Variants in FES observed in about 807,000 individuals in gnomAD.
FES encodes FES proto-oncogene, tyrosine kinase, also known as tyrosine-protein kinase Fes/Fps.
Under a neutral mutation model 109.6 loss-of-function variants are expected in FES, and 83 were observed. The observed-to-expected ratio is 0.76, with a 90% CI of 0.63 to 0.91. FES has a LOEUF of 0.91. Ranked by LOEUF, FES falls within the 40% of genes least tolerant of loss-of-function variation. The pLI, the probability that FES is intolerant of heterozygous loss-of-function variation, is 0.00. For missense variants in FES, 943 were observed against 1,070.9 expected (o/e 0.88, Z 1.67); for synonymous variants, 458 against 442.1 (o/e 1.04, Z -0.45).
At chr15:90,894,144 C>A in intron 18 of FES, 86 bp downstream of exon 18, 1 of 1,470,038 alleles carries the variant, frequency 6.8e-7, no homozygotes, top group South Asian at 1.2e-5. Context: ...TTAATGCCAA[C>A]CTTCCCACCA....
chr15:90,893,906 C>A (rs74943443), intron 17 of FES, 30 bp from the exon 18 acceptor site: 1 of 1,612,742 alleles, frequency 6.2e-7, no homozygotes, highest in East Asian at 2.2e-5. Context: ...GGTGCACTCA[C>A]GCTGCCTCAC....
chr15:90,891,548 C>T lies in FES; in HGVS notation c.1531-6C>T. 1 of 1,613,626 alleles carries T rather than the reference C, an allele frequency of 6.2e-7. No homozygotes were observed. Among genetic ancestry groups the T allele is most frequent in the Non-Finnish European group, 8.5e-7 (1 of 1,179,958 alleles). ...GGCTGCTGACCCCGGGTCCCCTGCC[C>T]TGCAGAACCTGTACCGACTGGAAGG... On this transcript the variant is annotated splice_region_variant and splice_polypyrimidine_tract_variant and intron_variant, in intron 11 of 18. Coordinates refer to ENST00000328850, the MANE Select transcript of FES (RefSeq NM_002005.4).
At chr15:90,891,224 C>A in intron 11 of FES, 33 bp downstream of exon 11, 2 of 1,543,644 alleles carry the variant, frequency 1.3e-6, no homozygotes, top group Non-Finnish European at 1.7e-6. Flanking sequence ...CCTTCCAGGC[C>A]TCACTCTTCC....
Position 90,893,955 on chromosome 15 carries a change from C to T in FES, c.2223C>T (p.Ser741=), listed in dbSNP as rs62026674. Residue 741 remains serine, a synonymous_variant, in exon 18 of 19, where the codon AGC becomes AGT. Coordinates refer to ENST00000328850, the MANE Select transcript of FES (RefSeq NM_002005.4). ...CTGCAGGCCGCTACTCCTCCGAAAG[C>T]GACGTGTGGAGCTTTGGCATCTTGC... The part of the protein sequence containing the change: ...ALNYGRYSSE[S]DVWSFGILLW... 100 of 1,613,630 alleles carry T rather than the reference C, an allele frequency of 6.2e-5. No individual in the cohort carries two copies. The highest frequency in any genetic ancestry group is 8.0e-5 in the Non-Finnish European group (94 of 1,179,992).
chr15:90,895,550 C>A lies in FES; in HGVS notation c.2461C>A (p.His821Asn). 1 of 1,580,316 alleles carries A rather than the reference C, an allele frequency of 6.3e-7. No individual in the cohort carries two copies. The highest frequency in any genetic ancestry group is 8.6e-7 in the Non-Finnish European group (1 of 1,161,628). Reference sequence around the variant, plus strand: ...GGAGCTGCAGAGCATCCGAAAGCGGCATCGGTGAGGCTGGGACCCCCTTCT... The same window carrying A: ...GGAGCTGCAGAGCATCCGAAAGCGGAATCGGTGAGGCTGGGACCCCCTTCT... ...YQELQSIRKR[H>N]R The change falls in exon 19 of 19, where the codon CAT becomes AAT. Residue 821 changes from histidine (H) to asparagine (N), a missense_variant. Physicochemically the swap from His to Asn is moderately conservative, Grantham distance 68. Coordinates refer to ENST00000328850, the MANE Select transcript of FES (RefSeq NM_002005.4).
At position 90,891,401 on chromosome 15, in the gene FES, T is replaced by C. The variant is rs1214718291; in HGVS notation, c.1531-153T>C. 4 of 1,131,368 alleles carry C rather than the reference T, an allele frequency of 3.5e-6. No homozygotes were observed. The East Asian group carries it at 9.4e-5, about 27-fold the overall frequency. The allele number at this position is 1,131,368 out of a possible 1,614,324, so 70.1% of individuals were successfully genotyped here. A position where few individuals can be genotyped will look rare whatever the true frequency, so the allele number is the denominator to read the frequency against. ...GTCCTCCCCTGGTGGGGCAGCAGGATGTCATGTGCCATCAGATGGCATCTT... is the reference window on the plus strand; with the variant it reads ...GTCCTCCCCTGGTGGGGCAGCAGGACGTCATGTGCCATCAGATGGCATCTT... On this transcript the variant is annotated intron_variant, in intron 11 of 18. Coordinates refer to ENST00000328850, the MANE Select transcript of FES (RefSeq NM_002005.4).
At chr15:90,885,322 G>A in intron 2 of FES, 64 bp downstream of exon 2, 1 of 1,598,314 alleles carries the variant, frequency 6.3e-7, no homozygotes, top group South Asian at 1.1e-5. Flanking sequence ...TCTCCTGGGG[G>A]CCCTCTGGGG....
rs1297645310 is a variant in FES at position 90,887,288 on chromosome 15, C to T, written c.586C>T (p.His196Tyr). ...GCTGGGCGTGCGGGCTGCGCAGCTACACCACCAGCACCACCACCAGCTCCT... is the reference window on the plus strand; with the variant it reads ...GCTGGGCGTGCGGGCTGCGCAGCTATACCACCAGCACCACCACCAGCTCCT... ...YVLGVRAAQL[H>Y]HQHHHQLLLP... The change falls in exon 5 of 19, where the codon CAC becomes TAC. Residue 196 changes from histidine (H) to tyrosine (Y), a missense_variant. Physicochemically the swap from His to Tyr is moderately conservative, Grantham distance 83. Transcript: ENST00000328850. 1.9e-6 allele frequency: 3 copies of T among 1,613,124 alleles called. No individual in the cohort carries two copies. Among genetic ancestry groups the T allele is most frequent in the East Asian group, 2.2e-5 (1 of 44,906 alleles).
At chr15:90,890,925 C>G (rs2033153962) in intron 10 of FES, 57 bp from the exon 11 acceptor site, 1 of 1,509,802 alleles carries the variant, frequency 6.6e-7, no homozygotes, top group Non-Finnish European at 8.9e-7. Context: ...CCGGCTGCCC[C>G]CACGGCCTCT....
rs1333795121 is a variant in FES at position 90,893,704 on chromosome 15, T to C, written c.2096T>C (p.Ile699Thr). Residue 699 changes from isoleucine (I) to threonine (T), a missense_variant, in exon 17 of 19, where the codon ATC (isoleucine) becomes ACC (threonine). Ile to Thr is a moderately conservative substitution (Grantham distance 89, BLOSUM62 -1). Transcript: ENST00000328850. Reference protein sequence around the residue: ...CLVTEKNVLKISDFGMSREEA... With the variant: ...CLVTEKNVLKTSDFGMSREEA... ...GTGACAGAGAAGAATGTCCTGAAGA[T>C]CAGTGACTTTGGGATGTCCCGAGAG... 2 of 1,611,222 alleles carry C rather than the reference T, an allele frequency of 1.2e-6. No individual in the cohort carries two copies. The highest frequency in any genetic ancestry group is 8.5e-7 in the Non-Finnish European group (1 of 1,178,876).
Position 90,885,421 on chromosome 15 carries a change from G to GTAT in FES, c.223_224insTAT (p.Glu75delinsValTer). On this transcript the variant is annotated stop_gained and protein_altering_variant, in exon 3 of 19. Transcript: ENST00000328850. LOFTEE classifies it high-confidence loss of function. ...CATCTGTGCTGTATAGTCCTGGGCT[G>GTAT]AGATCACCAGCCAAACTGAGGGCCT... 6.2e-7 allele frequency: 1 copy of GTAT among 1,612,586 alleles called. No individual in the cohort carries two copies.
chr15:90,885,031 C>T lies in FES; in HGVS notation c.-9-6C>T, dbSNP rs776429972. ...CCTCCAGGGATGGCCCCTTTTCTGT[C>T]CCCAGAACAGCACTATGGGCTTCTC... On this transcript the variant is annotated splice_region_variant and splice_polypyrimidine_tract_variant and intron_variant, in intron 1 of 18. Coordinates refer to ENST00000328850, the MANE Select transcript of FES (RefSeq NM_002005.4). 11 of 1,597,296 alleles carry T rather than the reference C, an allele frequency of 6.9e-6. No homozygotes were observed. The highest frequency in any genetic ancestry group is 2.2e-5 in the East Asian group (1 of 44,782).
Position 90,891,653 on chromosome 15 carries a change from G to A in FES, c.1630G>A (p.Val544Ile), listed in dbSNP as rs781448359. 37 of 1,613,872 alleles carry A rather than the reference G, an allele frequency of 2.3e-5. 1 individual carries two copies. In the South Asian group the frequency reaches 3.4e-4, roughly 15 times the overall value. ...QQPLTKKSGV[V>I]LHRAVPKDKW... Reference sequence around the variant, plus strand: ...GCCCCTCACCAAGAAGAGTGGTGTTGTCCTGCACAGGGCTGTGCCCAAGGT... The same window carrying A: ...GCCCCTCACCAAGAAGAGTGGTGTTATCCTGCACAGGGCTGTGCCCAAGGT... Residue 544 changes from valine to isoleucine, a missense_variant, in exon 12 of 19, where the codon GTC (valine) becomes ATC (isoleucine). By Grantham distance (29) the Val-to-Ile change is conservative. Coordinates refer to ENST00000328850, the MANE Select transcript of FES (RefSeq NM_002005.4).
Position 90,885,023 on chromosome 15 carries a change from T to A in FES, c.-9-14T>A. The A allele has an allele frequency of 6.3e-7, 1 of 1,582,710 alleles. No individual in the cohort carries two copies. Among genetic ancestry groups the A allele is most frequent in the Non-Finnish European group, 8.6e-7 (1 of 1,165,936 alleles). On this transcript the variant is annotated splice_polypyrimidine_tract_variant and intron_variant, in intron 1 of 18. Transcript: ENST00000328850. Reference sequence around the variant, plus strand: ...CTGCCTTGCCTCCAGGGATGGCCCCTTTTCTGTCCCCAGAACAGCACTATG... The same window carrying A: ...CTGCCTTGCCTCCAGGGATGGCCCCATTTCTGTCCCCAGAACAGCACTATG...
chr15:90,889,947 C>T lies in FES; in HGVS notation c.1034C>T (p.Thr345Ile), dbSNP rs756511039. The T allele has an allele frequency of 1.7e-5, 28 of 1,613,092 alleles. No individual in the cohort carries two copies. In the Middle Eastern group the frequency reaches 6.6e-4, roughly 38 times the overall value. The change falls in exon 8 of 19, where the codon ACC becomes ATC. Residue 345 changes from threonine (T) to isoleucine (I), a missense_variant. Physicochemically the swap from Thr to Ile is moderately conservative, Grantham distance 89. Coordinates refer to ENST00000328850, the MANE Select transcript of FES (RefSeq NM_002005.4). The surrounding 1 kb of genome is among the most constrained non-coding windows in gnomAD (Gnocchi z 6.1). ...QQELRNEEEN[T>I]HPRERVQLLG... ...GAGCTCCGGAATGAAGAGGAGAACA[C>T]CCACCCCCGGGAGCGGTGAGTGGGC...
intron 5 of FES, among the ~76,000 whole-genome samples, chr15:90,888,865 C>T (rs1418012166): frequency 1.3e-5 from 2 of 151,924 alleles, no homozygotes; most frequent in Non-Finnish European, 2.9e-5. Flanking sequence ...GCAACCTCCA[C>T]CTCCCAGGCT....
At position 90,890,287 on chromosome 15, in the gene FES, C is replaced by A. The variant is rs2033081828; in HGVS notation, c.1236+9C>A. ...ACTCCACGTCGTCCTCGGTGAGCTG[C>A]CCCATCCGCGGCCGCTGCCCGCCAC... On this transcript the variant is annotated intron_variant, in intron 9 of 18. Transcript: ENST00000328850. The A allele has an allele frequency of 1.3e-6, 2 of 1,588,340 alleles. No homozygotes were observed. The highest frequency in any genetic ancestry group is 3.4e-4 in the Middle Eastern group (2 of 5,832).
chr15:90,891,055 T>G lies in FES; in HGVS notation c.1394T>G (p.Ile465Ser), dbSNP rs1469236073. The change falls in exon 11 of 19, where the codon ATC (isoleucine) becomes AGC (serine). Residue 465 changes from isoleucine to serine, a missense_variant. Transcript: ENST00000328850. ...LHEQLWYHGA[I>S]PRAEVAELLV... ...GAGCAGCTGTGGTACCACGGGGCCA[T>G]CCCGAGGGCAGAGGTGGCTGAGCTG... 1 of 1,599,034 alleles carries G rather than the reference T, an allele frequency of 6.3e-7. No homozygotes were observed. The highest frequency in any genetic ancestry group is 1.1e-5 in the South Asian group (1 of 88,286).
chr15:90,894,327 G>A (rs905167503), intron 18 of FES, among the ~76,000 whole-genome samples: 5 of 152,210 alleles, frequency 3.3e-5, no homozygotes, highest in Non-Finnish European at 4.4e-5. Context: ...GCTCACACCT[G>A]TAATCCCAGC....
Sources: gnomAD v4.1 joint callset for allele counts (sites outside exome capture counted in the v4.1 genomes callset) on GRCh38, gnomAD v4.1.1 for gene constraint, Gnocchi (gnomAD v3.1) non-coding constraint, MANE v1.5 for transcripts, NCBI Gene and HGNC (gene_info 2026-07-23, HGNC 2026-07-21) for gene names.